Variants in PRR29 observed in about 807,000 individuals in gnomAD.
PRR29 encodes the protein proline-rich protein 29.
Under a neutral mutation model 25.1 loss-of-function variants are expected in PRR29, and 20 were observed. That is an observed-to-expected ratio of 0.80 (90% confidence interval 0.56 to 1.16). PRR29 has a LOEUF of 1.16. Ranked by LOEUF, PRR29 falls within the 50% of genes most tolerant of loss-of-function variation. The pLI is 0.00. For synonymous variants in PRR29, 108 were observed against 102.6 expected (o/e 1.05, Z -0.32); for missense variants, 238 against 246.6 (o/e 0.97, Z 0.23).
At position 64,003,219 on chromosome 17, in the gene PRR29, G is replaced by A. The variant is rs1156962005; in HGVS notation, c.*1458G>A. 2.2e-6 allele frequency: 1 copy of A among 459,188 alleles called. No individual in the cohort carries two copies. Among genetic ancestry groups the A allele is most frequent in the African/African-American group, 2.0e-5 (1 of 51,178 alleles). The allele number at this position is 459,188 out of a possible 1,614,324, so 28.4% of individuals were successfully genotyped here. A position where few individuals can be genotyped will look rare whatever the true frequency, so the allele number is the denominator to read the frequency against. Reference sequence around the variant, plus strand: ...CAGTGTGTAGCTGCTGGACACCGTGGCCTGGAGGGTGGCATGGTCCCAGCC... The same window carrying A: ...CAGTGTGTAGCTGCTGGACACCGTGACCTGGAGGGTGGCATGGTCCCAGCC... On this transcript the variant is annotated 3_prime_UTR_variant, in exon 6 of 6. Coordinates refer to ENST00000412177, the MANE Select transcript of PRR29 (RefSeq NM_001164257.2).
At position 64,001,222 on chromosome 17, in the gene PRR29, GC is replaced by G; in HGVS notation, c.387del (p.Phe130SerfsTer28). On this transcript the variant is annotated frameshift_variant, in exon 4 of 6. Transcript: ENST00000412177. LOFTEE classifies it high-confidence loss of function. ...CCCGGGTGCCCTGCTGCCCTGGCCA[GC>G]CCCCTTCTTCCCCACCCCTGCTTGT... ...PSPGALLPWP[A>X]PFFPTPACQP... 6.5e-7 allele frequency: 1 copy of G among 1,537,362 alleles called. No homozygotes were observed. Among genetic ancestry groups the G allele is most frequent in the Non-Finnish European group, 8.7e-7 (1 of 1,146,928 alleles).
Position 64,002,785 on chromosome 17 carries a change from C to A in PRR29, c.*1024C>A. 2 of 1,613,376 alleles carry A rather than the reference C, an allele frequency of 1.2e-6. No individual in the cohort carries two copies. Among genetic ancestry groups the A allele is most frequent in the Non-Finnish European group, 1.7e-6 (2 of 1,179,986 alleles). On this transcript the variant is annotated 3_prime_UTR_variant, in exon 6 of 6. Coordinates refer to ENST00000412177, the MANE Select transcript of PRR29 (RefSeq NM_001164257.2). ...GCCTGGGGCAGCCTCCTCCAAGCCG[C>A]TCGCACCCCGTAGGTGCCCATCCGC...
At chr17:64,000,475 G>A (rs916294142) in intron 3 of PRR29, among the ~76,000 whole-genome samples, 1 of 151,854 alleles carries the variant, frequency 6.6e-6, no homozygotes, top group Non-Finnish European at 1.5e-5. Flanking sequence ...GACCACAGGC[G>A]CCTGCCACCA....
intron 2 of PRR29, 81 bp downstream of exon 2, chr17:63,998,863 C>T: frequency 1.9e-6 from 2 of 1,077,466 alleles, no homozygotes; most frequent in Non-Finnish European, 1.3e-6. Context: ...CTCTGGGAGT[C>T]CCCGCAGCAC....
In PRR29 at chr17:64,004,054, G is replaced by A; in HGVS notation, c.*2293G>A. The A allele has an allele frequency of 2.0e-6, 2 of 1,008,582 alleles. No individual in the cohort carries two copies. The highest frequency in any genetic ancestry group is 1.6e-5 in the African/African-American group (1 of 62,230). The allele number at this position is 1,008,582 out of a possible 1,614,324, so 62.5% of individuals were successfully genotyped here. On this transcript the variant is annotated 3_prime_UTR_variant, in exon 6 of 6. Coordinates refer to ENST00000412177, the MANE Select transcript of PRR29 (RefSeq NM_001164257.2). ...GCCAGGGCCATCTCCTGTCACCATG[G>A]TGTTCCACGGTTGGGGAGGAGGTGG...
chr17:64,001,425 C>A, intron 4 of PRR29, 42 bp from the exon 5 acceptor site: 1 of 1,488,108 alleles, frequency 6.7e-7, no homozygotes, highest in Non-Finnish European at 9.0e-7. Flanking sequence ...AGAGGCCACC[C>A]CTGGGCCTCT....
Position 64,001,742 on chromosome 17 carries a change from A to G in PRR29, c.551A>G (p.Asp184Gly). The part of the protein sequence containing the change: ...ADVPPASDYY[D>G]AESLL ...GTTCTTGTTTCCCCAGACTACTATG[A>G]TGCCGAGAGCCTCCTATGAGGACAG... The change falls in exon 6 of 6, where the codon GAT becomes GGT. Residue 184 changes from aspartate to glycine, a missense_variant. Asp to Gly is a moderately conservative substitution (Grantham distance 94). Coordinates refer to ENST00000412177, the MANE Select transcript of PRR29 (RefSeq NM_001164257.2). 1.3e-6 allele frequency: 2 copies of G among 1,536,886 alleles called. No homozygotes were observed. The highest frequency in any genetic ancestry group is 2.4e-5 in the South Asian group (2 of 84,036).
Position 64,002,659 on chromosome 17 carries a change from G to A in PRR29, c.*898G>A. On this transcript the variant is annotated 3_prime_UTR_variant, in exon 6 of 6. Coordinates refer to ENST00000412177, the MANE Select transcript of PRR29 (RefSeq NM_001164257.2). The stretch of plus-strand genomic sequence containing the variant: ...TCCCAAGTCTCTGCTGCCTGTCACA[G>A]TCCTTCAGCCAGGGCTGGACCTCAA... 1 of 1,223,110 alleles carries A rather than the reference G, an allele frequency of 8.2e-7. No homozygotes were observed. The highest frequency in any genetic ancestry group is 1.2e-6 in the Non-Finnish European group (1 of 865,942). 75.8% of individuals were successfully genotyped at this position (1,223,110 alleles called of 1,614,324 possible). A position where few individuals can be genotyped will look rare whatever the true frequency, so the allele number is the denominator to read the frequency against.
Position 64,003,945 on chromosome 17 carries a change from GA to G in PRR29, c.*2185del. The G allele has an allele frequency of 6.2e-7, 1 of 1,613,058 alleles. No homozygotes were observed. Among genetic ancestry groups the G allele is most frequent in the Non-Finnish European group, 8.5e-7 (1 of 1,179,582 alleles). On this transcript the variant is annotated 3_prime_UTR_variant, in exon 6 of 6. Coordinates refer to ENST00000412177, the MANE Select transcript of PRR29 (RefSeq NM_001164257.2). ...CCACCAAAGTGGGTTGCAGTGTCAG[GA>G]TGACCTGCCTTGGAGGCTCTGCAGG...
rs1340682367 is a variant in PRR29, at chr17:63,998,958, C to T, written c.137-10C>T. ...GGCCCGGCGTGGGCTTGCTGAACCC[C>T]GCTTCCTAGACCTGCTGGAACTGAT... On this transcript the variant is annotated splice_polypyrimidine_tract_variant and intron_variant, in intron 2 of 5. Transcript: ENST00000412177. 1 of 1,536,136 alleles carries T rather than the reference C, an allele frequency of 6.5e-7. No individual in the cohort carries two copies. Among genetic ancestry groups the T allele is most frequent in the Non-Finnish European group, 8.7e-7 (1 of 1,146,664 alleles).
intron 1 of PRR29, 132 bp from the exon 2 acceptor site, chr17:63,998,575 G>A (rs1910284071): frequency 6.3e-6 from 7 of 1,118,960 alleles, no homozygotes; most frequent in Non-Finnish European, 8.7e-6. Context: ...GAGCAGGGAG[G>A]CCGCGGGGCG....
rs763976558 is a variant in PRR29 at position 64,003,714 on chromosome 17, C to T, written c.*1953C>T. 6.8e-6 allele frequency: 11 copies of T among 1,614,114 alleles called. No individual in the cohort carries two copies. The South Asian group carries it at 1.2e-4, about 18-fold the overall frequency. The stretch of plus-strand genomic sequence containing the variant: ...TGCCACCGCGAGACATCAAGTCCAG[C>T]ACAGCCAGGCAGGAGAAGTTGCGGT... On this transcript the variant is annotated 3_prime_UTR_variant, in exon 6 of 6. Coordinates refer to ENST00000412177, the MANE Select transcript of PRR29 (RefSeq NM_001164257.2).
Position 64,002,739 on chromosome 17 carries a change from C to T in PRR29, c.*978C>T, listed in dbSNP as rs997450064. ...CCACCGTGGTGGTGGCCATGCCACT[C>T]ATGGTTGCTATGGCCGGAAGGCCTG... On this transcript the variant is annotated 3_prime_UTR_variant, in exon 6 of 6. Coordinates refer to ENST00000412177, the MANE Select transcript of PRR29 (RefSeq NM_001164257.2). 6.2e-7 allele frequency: 1 copy of T among 1,609,616 alleles called. No homozygotes were observed. The highest frequency in any genetic ancestry group is 1.1e-5 in the South Asian group (1 of 90,810).
chr17:64,004,271 A>C lies in PRR29; in HGVS notation c.*2510A>C. On this transcript the variant is annotated 3_prime_UTR_variant, in exon 6 of 6. Transcript: ENST00000412177. ...CCTCTCCTTCAGAAATGAAATATAAATTTCAAACATTAAACAGTTGGGTGA... is the reference window on the plus strand; with the variant it reads ...CCTCTCCTTCAGAAATGAAATATAACTTTCAAACATTAAACAGTTGGGTGA... The C allele has an allele frequency of 8.7e-6, 3 of 343,830 alleles. No individual in the cohort carries two copies. The highest frequency in any genetic ancestry group is 1.6e-5 in the Non-Finnish European group (3 of 185,580). 21.3% of individuals were successfully genotyped at this position (343,830 alleles called of 1,614,324 possible). A position where few individuals can be genotyped will look rare whatever the true frequency, so the allele number is the denominator to read the frequency against.
chr17:64,004,064 G>A lies in PRR29; in HGVS notation c.*2303G>A. On this transcript the variant is annotated 3_prime_UTR_variant, in exon 6 of 6. Transcript: ENST00000412177. ...TCTCCTGTCACCATGGTGTTCCACGGTTGGGGAGGAGGTGGCCTGGCCGGC... is the reference window on the plus strand; with the variant it reads ...TCTCCTGTCACCATGGTGTTCCACGATTGGGGAGGAGGTGGCCTGGCCGGC... 1.1e-6 allele frequency: 1 copy of A among 945,446 alleles called. No individual in the cohort carries two copies. The highest frequency in any genetic ancestry group is 1.6e-6 in the Non-Finnish European group (1 of 641,716). The allele number at this position is 945,446 out of a possible 1,614,324, so 58.6% of individuals were successfully genotyped here.
intron 3 of PRR29, chr17:63,999,702 C>A: frequency 6.1e-6 from 1 of 164,806 alleles, no homozygotes; most frequent in Non-Finnish European, 1.3e-5. Flanking sequence ...TGTGTGTGTG[C>A]AAGAGTGTGT....
At position 64,003,099 on chromosome 17, in the gene PRR29, A is replaced by C; in HGVS notation, c.*1338A>C. On this transcript the variant is annotated 3_prime_UTR_variant, in exon 6 of 6. Coordinates refer to ENST00000412177, the MANE Select transcript of PRR29 (RefSeq NM_001164257.2). ...GGTGAATGGTGTCTGCATTAAAATT[A>C]TTATCTGGAAAAAAGGTGGCCCAGG... The C allele has an allele frequency of 1.7e-6, 1 of 590,910 alleles. No individual in the cohort carries two copies. The highest frequency in any genetic ancestry group is 3.0e-6 in the Non-Finnish European group (1 of 337,236). The allele number at this position is 590,910 out of a possible 1,614,324, so 36.6% of individuals were successfully genotyped here.
chr17:63,999,369 G>GC (rs1910413127), intron 3 of PRR29: 1 of 498,498 alleles, frequency 2.0e-6, no homozygotes, highest in Non-Finnish European at 3.6e-6. Context: ...TGGTAACCCT[G>GC]CCCCATGCAT....
rs1320983969 is a variant in PRR29, at chr17:64,003,320, A to G, written c.*1559A>G. 9.1e-6 allele frequency: 4 copies of G among 440,952 alleles called. No homozygotes were observed. The highest frequency in any genetic ancestry group is 2.6e-5 in the South Asian group (1 of 38,566). 27.3% of individuals were successfully genotyped at this position (440,952 alleles called of 1,614,324 possible). On this transcript the variant is annotated 3_prime_UTR_variant, in exon 6 of 6. Transcript: ENST00000412177. ...TGCCGGCCGTCCAGGGTCACCAAGCAGCAGAGCTCTGGGGACCTCAGTGGG... is the reference window on the plus strand; with the variant it reads ...TGCCGGCCGTCCAGGGTCACCAAGCGGCAGAGCTCTGGGGACCTCAGTGGG...
Sources: gnomAD v4.1 joint callset for allele counts (sites outside exome capture counted in the v4.1 genomes callset) on GRCh38, gnomAD v4.1.1 for gene constraint, MANE v1.5 for transcripts, NCBI Gene and HGNC (gene_info 2026-07-23, HGNC 2026-07-21) for gene names.